Variants in EPHB1 observed in about 807,000 individuals in gnomAD.
The protein encoded by EPHB1 is ephrin type-B receptor 1.
In EPHB1, 30 loss-of-function variants were observed where a neutral mutation model predicts 94.4. The ratio of observed to expected loss-of-function variants is 0.32; its 90% confidence interval spans 0.24 to 0.43. The LOEUF (loss-of-function observed/expected upper bound fraction) is 0.43, where lower values mean the gene tolerates loss of function less well. EPHB1 is among the 20% of genes least tolerant of loss of function. EPHB1 has a pLI of 1.00. For synonymous variants in EPHB1, 522 were observed against 489.1 expected (o/e 1.07, Z -0.89); for missense variants, 1,055 against 1,308.3 (o/e 0.81, Z 2.99).
At chr3:134,898,857 G>T (rs960246356) in intron 1 of EPHB1, among the ~76,000 whole-genome samples, 15 of 152,140 alleles carry the variant, frequency 9.9e-5, no homozygotes, top group Admixed American at 9.8e-4. Flanking sequence ...AATGAAGTTT[G>T]TGCAGTGCTG....
chr3:135,043,499 T>C (rs1936911964), intron 3 of EPHB1, among the ~76,000 whole-genome samples: 1 of 152,024 alleles, frequency 6.6e-6, no homozygotes, highest in African/African-American at 2.4e-5. Flanking sequence ...GTGAAGTCTC[T>C]CCCCAGCTTC....
At position 135,255,145 on chromosome 3, in the gene EPHB1, G is replaced by A. The variant is rs908797094; in HGVS notation, c.2847-3867G>A. 2.6e-5 allele frequency among the ~76,000 whole-genome samples: 4 copies of A among 151,706 alleles called. No homozygotes were observed. The East Asian group carries it at 7.7e-4, about 29-fold the overall frequency. Reference sequence around the variant, plus strand: ...TTGCTAGCGGTCTATCAATTTTGTTGATCCTTTCAAAAAACCAGCTCCTGG... The same window carrying A: ...TTGCTAGCGGTCTATCAATTTTGTTAATCCTTTCAAAAAACCAGCTCCTGG... On this transcript the variant is annotated intron_variant, in intron 15 of 15. Coordinates refer to ENST00000398015, the MANE Select transcript of EPHB1 (RefSeq NM_004441.5).
intron 4 of EPHB1, among the ~76,000 whole-genome samples, chr3:135,119,456 T>G (rs1939857440): frequency 1.9e-5 from 2 of 104,922 alleles, no homozygotes; most frequent in South Asian, 7.1e-4. Context: ...TTTTCTTTCT[T>G]TTTTTTGTTT....
intron 1 of EPHB1, among the ~76,000 whole-genome samples, chr3:134,875,604 T>C (rs1397220363): frequency 6.6e-6 from 1 of 152,214 alleles, no homozygotes; most frequent in East Asian, 1.9e-4. Flanking sequence ...TTCTGAACTT[T>C]AGTTTCCACA....
At chr3:135,171,378 G>A (rs1026129013) in intron 9 of EPHB1, among the ~76,000 whole-genome samples, 6 of 152,174 alleles carry the variant, frequency 3.9e-5, no homozygotes, top group Non-Finnish European at 7.3e-5. Flanking sequence ...AGTCCCTGGT[G>A]TTATTTTAGT....
rs574607095 is a variant in EPHB1, at chr3:135,004,159, G to T, written c.805+52107G>T. On this transcript the variant is annotated intron_variant, in intron 3 of 15. Transcript: ENST00000398015. ...GCTCTTTTAGGGCAGGCCTGGTGGTGACAAAATCTCTCAGCATTTGCTTGT... is the reference window on the plus strand; with the variant it reads ...GCTCTTTTAGGGCAGGCCTGGTGGTTACAAAATCTCTCAGCATTTGCTTGT... 6.7e-3 allele frequency among the ~76,000 whole-genome samples: 1,013 copies of T among 151,074 alleles called. 3 individuals carry two copies. Among genetic ancestry groups the T allele is most frequent in the Non-Finnish European group, 9.8e-3 (665 of 67,952 alleles).
In EPHB1 at chr3:134,951,686, T is replaced by C; in HGVS notation, c.439T>C (p.Ser147Pro). The change falls in exon 3 of 16, where the codon TCC becomes CCC. Residue 147 changes from serine to proline, a missense_variant. Physicochemically the swap from Ser to Pro is moderately conservative, Grantham distance 74 (BLOSUM62 -1). Transcript: ENST00000398015. This position sits in a 1 kb window ranked among gnomAD's most constrained non-coding sequence, Gnocchi z 4.5. ...VDTIAADESF[S>P]QVDFGGRLMK... ...CACCATTGCTGCAGATGAGAGCTTCTCCCAGGTGGACTTTGGGGGAAGGCT... is the reference window on the plus strand; with the variant it reads ...CACCATTGCTGCAGATGAGAGCTTCCCCCAGGTGGACTTTGGGGGAAGGCT... 1.2e-6 allele frequency: 2 copies of C among 1,614,078 alleles called. No homozygotes were observed. Among genetic ancestry groups the C allele is most frequent in the Non-Finnish European group, 1.7e-6 (2 of 1,179,972 alleles).
chr3:135,173,530 T>G (rs1044491319), intron 9 of EPHB1, among the ~76,000 whole-genome samples: 2 of 152,180 alleles, frequency 1.3e-5, no homozygotes, highest in African/African-American at 4.8e-5. Flanking sequence ...TGTCCTGGGT[T>G]CTTCCTCAAG....
intron 6 of EPHB1, among the ~76,000 whole-genome samples, chr3:135,161,247 A>G (rs1941496336): frequency 2.6e-5 from 4 of 152,212 alleles, no homozygotes; most frequent in African/African-American, 7.2e-5. Flanking sequence ...GGGACTGTAG[A>G]GGTCAGCACA....
chr3:134,958,342 T>C (rs948634218), intron 3 of EPHB1, among the ~76,000 whole-genome samples: 31 of 152,102 alleles, frequency 2.0e-4, no homozygotes, highest in African/African-American at 7.2e-4. Context: ...TTAGGGTTGC[T>C]GGTCCCAGCT....
chr3:135,127,581 T>C (rs1052194066), intron 4 of EPHB1, among the ~76,000 whole-genome samples: 1 of 152,126 alleles, frequency 6.6e-6, no homozygotes, highest in Admixed American at 6.5e-5. Context: ...AGGTTAGCCT[T>C]ATTAAGATTC....
intron 4 of EPHB1, among the ~76,000 whole-genome samples, chr3:135,128,007 C>G (rs953551093): frequency 6.6e-5 from 10 of 152,164 alleles, no homozygotes; most frequent in African/African-American, 2.4e-4. Context: ...TTCCTTAGCC[C>G]TTTAAACAGA....
At chr3:135,082,030 C>T (rs1489192259) in intron 3 of EPHB1, among the ~76,000 whole-genome samples, 3 of 151,852 alleles carry the variant, frequency 2.0e-5, no homozygotes, top group Non-Finnish European at 4.4e-5. Context: ...GCATGAAATG[C>T]AGGCTCTTCC....
intron 12 of EPHB1, among the ~76,000 whole-genome samples, chr3:135,226,732 G>C (rs1419508021): frequency 4.6e-5 from 7 of 152,000 alleles, no homozygotes; most frequent in African/African-American, 7.3e-5. Context: ...TTGGAAGGTT[G>C]TTGGCCTATC....
At chr3:134,856,250 A>AC (rs1280099577) in intron 1 of EPHB1, among the ~76,000 whole-genome samples, 4 of 152,096 alleles carry the variant, frequency 2.6e-5, no homozygotes, top group Non-Finnish European at 5.9e-5. Context: ...AGCAGACAGG[A>AC]CCAGGCCTGG....
intron 3 of EPHB1, among the ~76,000 whole-genome samples, chr3:135,040,094 T>C (rs1415596716): frequency 6.6e-6 from 1 of 152,190 alleles, no homozygotes; most frequent in African/African-American, 2.4e-5. Flanking sequence ...TGCAAAATCT[T>C]TGTAGATAAC....
At position 135,248,316 on chromosome 3, in the gene EPHB1, G is replaced by A; in HGVS notation, c.2497G>A (p.Val833Ile). Residue 833 changes from valine (V) to isoleucine (I), a missense_variant and splice_region_variant, in exon 14 of 16, where the codon GTC (valine) becomes ATC (isoleucine). Val to Ile is a conservative substitution (Grantham distance 29, BLOSUM62 3). Transcript: ENST00000398015. Reference sequence around the variant, plus strand: ...ACCTGTTCCCTGTATGTCACTGCAGGTCATCAATGCCATCGAGCAGGACTA... The same window carrying A: ...ACCTGTTCCCTGTATGTCACTGCAGATCATCAATGCCATCGAGCAGGACTA... ...RPYWDMSNQDVINAIEQDYRL... is the reference protein window; with the variant it reads ...RPYWDMSNQDIINAIEQDYRL... The A allele has an allele frequency of 6.3e-7, 1 of 1,579,622 alleles. No individual in the cohort carries two copies.
At chr3:135,157,048 C>T (rs1291461610) in intron 6 of EPHB1, among the ~76,000 whole-genome samples, 1 of 152,194 alleles carries the variant, frequency 6.6e-6, no homozygotes, top group Non-Finnish European at 1.5e-5. Flanking sequence ...CTACTTTCTT[C>T]CTCACATGCC....
intron 1 of EPHB1, among the ~76,000 whole-genome samples, chr3:134,816,149 C>A (rs143885251): frequency 0.011 from 1,351 of 119,864 alleles, 18 homozygotes; most frequent in African/African-American, 0.041. Flanking sequence ...ATGGTGTGAT[C>A]TCGGCTCACT....
Sources: allele counts gnomAD v4.1 joint callset (sites outside exome capture counted in the v4.1 genomes callset), GRCh38; gene constraint gnomAD v4.1.1; non-coding constraint Gnocchi (gnomAD v3.1); transcripts MANE v1.5; gene names NCBI Gene and HGNC (gene_info 2026-07-23, HGNC 2026-07-21).